The following DOCK3 variants were observed in gnomAD, a reference collection of about 807,000 sequenced individuals.
DOCK3 encodes dedicator of cytokinesis 3, also known as dedicator of cytokinesis protein 3.
Under a neutral mutation model 265.6 loss-of-function variants are expected in DOCK3, and 60 were observed. The observed-to-expected ratio is 0.23, with a 90% confidence interval of 0.18 to 0.28. The LOEUF is 0.28. Among genes scored for constraint, DOCK3 ranks in the 10% least tolerant of loss-of-function variants. The pLI is 1.00. For missense variants in DOCK3, 1,981 were observed against 2,594.3 expected (o/e 0.76, Z 5.14); for synonymous variants, 881 against 938.0 (o/e 0.94, Z 1.11).
intron 4 of DOCK3, among the ~76,000 whole-genome samples, chr3:50,920,132 C>T (rs933172430): frequency 6.6e-6 from 1 of 152,192 alleles, no homozygotes; most frequent in South Asian, 2.1e-4. Context: ...TTTTGATGTG[C>T]TGCTGGATTC....
chr3:50,901,561 T>C (rs1163811921), intron 4 of DOCK3: 1 of 449,236 alleles, frequency 2.2e-6, no homozygotes, highest in Non-Finnish European at 4.5e-6. Flanking sequence ...GCCCAAATGG[T>C]CACCTAGTTT....
intron 5 of DOCK3, among the ~76,000 whole-genome samples, chr3:50,960,932 T>C (rs1187685610): frequency 6.6e-6 from 1 of 152,194 alleles, no homozygotes; most frequent in Admixed American, 6.5e-5. Flanking sequence ...TTGAAAAGAC[T>C]ATTCTTTCCC....
At chr3:50,831,186 TTTATTTATTTA>T (rs1553676881) in intron 2 of DOCK3, among the ~76,000 whole-genome samples, 2 of 7,728 alleles carry the variant, frequency 2.6e-4, no homozygotes, top group Non-Finnish European at 8.7e-4. Context: ...TGCAACCTGT[TTTATTTATTTA>T]TTTATTTATT....
intron 2 of DOCK3, among the ~76,000 whole-genome samples, chr3:50,792,438 T>C (rs1464207691): frequency 6.6e-6 from 1 of 152,200 alleles, no homozygotes; most frequent in Non-Finnish European, 1.5e-5. Context: ...ATTTGGATGC[T>C]GTTTATTTCT....
chr3:51,258,132 T>TCTGC (rs2079649199), intron 22 of DOCK3, among the ~76,000 whole-genome samples: 1 of 152,246 alleles, frequency 6.6e-6, no homozygotes, highest in Non-Finnish European at 1.5e-5. Flanking sequence ...GCTGTCTGGT[T>TCTGC]CTGCCTCCCT....
intron 35 of DOCK3, among the ~76,000 whole-genome samples, chr3:51,333,593 G>A (rs965999342): frequency 6.6e-6 from 1 of 152,202 alleles, no homozygotes; most frequent in Non-Finnish European, 1.5e-5. Context: ...TGTCTCCAGA[G>A]CAGGGCAGGG....
chr3:51,256,366 G>C (rs1259709500), intron 22 of DOCK3, among the ~76,000 whole-genome samples: 1 of 152,168 alleles, frequency 6.6e-6, no homozygotes. Flanking sequence ...TGCCTCCTGG[G>C]TTTAAGTGAT....
chr3:50,891,308 G>A (rs1381281679), intron 4 of DOCK3, among the ~76,000 whole-genome samples: 1 of 152,044 alleles, frequency 6.6e-6, no homozygotes, highest in Non-Finnish European at 1.5e-5. Context: ...TGTCTTGTAT[G>A]CCTTCCAATA....
At chr3:50,703,865 G>A (rs1343561684) in intron 1 of DOCK3, among the ~76,000 whole-genome samples, 2 of 150,818 alleles carry the variant, frequency 1.3e-5, no homozygotes, top group African/African-American at 2.4e-5. Flanking sequence ...CTAGTTCCTT[G>A]GAGGTACATT....
intron 27 of DOCK3, among the ~76,000 whole-genome samples, chr3:51,309,868 G>A (rs922571292): frequency 1.3e-5 from 2 of 152,208 alleles, no homozygotes; most frequent in Non-Finnish European, 2.9e-5. Context: ...ACAATCAAAC[G>A]CTCAGGGGCC....
chr3:51,007,985 C>G (rs183980031), intron 5 of DOCK3, among the ~76,000 whole-genome samples: 1 of 152,118 alleles, frequency 6.6e-6, no homozygotes, highest in African/African-American at 2.4e-5. Context: ...GTCTGTATCT[C>G]TTTTCTGGTA....
intron 33 of DOCK3, among the ~76,000 whole-genome samples, chr3:51,330,514 G>T (rs6765622): frequency 1.8e-4 from 28 of 152,176 alleles, no homozygotes; most frequent in African/African-American, 6.8e-4. Context: ...ATCTGGATGG[G>T]GGGCAGACGG....
chr3:51,228,862 C>T (rs751790377), intron 18 of DOCK3, 30 bp downstream of exon 18: 3 of 1,606,474 alleles, frequency 1.9e-6, no homozygotes, highest in East Asian at 2.2e-5. Flanking sequence ...GGGTGGTGCC[C>T]TCCACCCTCC....
intron 10 of DOCK3, among the ~76,000 whole-genome samples, chr3:51,150,045 A>G (rs1041530123): frequency 1.3e-4 from 20 of 152,318 alleles, no homozygotes; most frequent in African/African-American, 4.3e-4. Flanking sequence ...CAGGGATTCA[A>G]CTTCTTCCTG....
At chr3:50,879,697 C>G (rs568599339) in intron 3 of DOCK3, among the ~76,000 whole-genome samples, 2 of 152,122 alleles carry the variant, frequency 1.3e-5, no homozygotes, top group Non-Finnish European at 2.9e-5. Context: ...TTTTAACACC[C>G]CACTGTCAAC....
chr3:50,921,260 T>G (rs1324953126), intron 4 of DOCK3, among the ~76,000 whole-genome samples: 2 of 152,192 alleles, frequency 1.3e-5, no homozygotes, highest in Non-Finnish European at 2.9e-5. Context: ...TTTTTACTCT[T>G]TTTTCTCTAA....
chr3:50,849,713 C>T (rs560043220), intron 3 of DOCK3, among the ~76,000 whole-genome samples: 167 of 152,164 alleles, frequency 1.1e-3, no homozygotes, highest in Non-Finnish European at 1.7e-3. Flanking sequence ...AAATCAGATA[C>T]ACTTTTGGAA....
At chr3:50,683,658 A>G (rs1349430623) in intron 1 of DOCK3, among the ~76,000 whole-genome samples, 1 of 152,230 alleles carries the variant, frequency 6.6e-6, no homozygotes, top group East Asian at 1.9e-4. Flanking sequence ...AGATGCTGCT[A>G]AAAAGTCTGT....
At chr3:50,925,045 T>C (rs116543635) in intron 4 of DOCK3, among the ~76,000 whole-genome samples, 1 of 152,332 alleles carries the variant, frequency 6.6e-6, no homozygotes, top group Non-Finnish European at 1.5e-5. Flanking sequence ...AGTTATCCCA[T>C]GTCTTTATTC....
Sources: gnomAD v4.1 joint callset for allele counts (sites outside exome capture counted in the v4.1 genomes callset) on GRCh38, gnomAD v4.1.1 for gene constraint, MANE v1.5 for transcripts, NCBI Gene and HGNC (gene_info 2026-07-23, HGNC 2026-07-21) for gene names.